The following CEP85L variants were observed in gnomAD, a reference collection of about 807,000 sequenced individuals.
CEP85L encodes centrosomal protein of 85 kDa-like.
A neutral mutation model predicts 100.3 loss-of-function variants in CEP85L; 60 were observed. The ratio of observed to expected loss-of-function variants is 0.60; its 90% CI spans 0.49 to 0.74. The LOEUF (loss-of-function observed/expected upper bound fraction) is 0.74. CEP85L is among the 30% of genes least tolerant of loss of function. The pLI is 0.00. For synonymous variants in CEP85L, 319 were observed against 322.7 expected (o/e 0.99, Z 0.12); for missense variants, 973 against 936.2 (o/e 1.04, Z -0.51).
Position 118,491,719 on chromosome 6 carries a change from T to C in CEP85L, c.1404A>G (p.Leu468=), listed in dbSNP as rs143907269. ...LNEFLKQRLS[L]FSEEKKKLEE... ...CTAGTTTCTTCTTCTCTTCACTAAA[T>C]AGGCTTAGTCTTTGTTTGAGAAACT... Residue 468 remains leucine (L), a synonymous_variant, in exon 6 of 13, where the codon CTA becomes CTG. Coordinates refer to ENST00000368491, the MANE Select transcript of CEP85L (RefSeq NM_001042475.3). 4.9e-5 allele frequency: 79 copies of C among 1,612,722 alleles called. No individual in the cohort carries two copies. Among genetic ancestry groups the C allele is most frequent in the Non-Finnish European group, 6.5e-5 (77 of 1,179,502 alleles).
chr6:118,542,305 A>C (rs776801980), intron 3 of CEP85L, among the ~76,000 whole-genome samples: 1 of 152,210 alleles, frequency 6.6e-6, no homozygotes, highest in East Asian at 1.9e-4. Flanking sequence ...AGTTTTTAAA[A>C]GCTTAACATG....
chr6:118,621,904 T>C (rs2115278290), intron 2 of CEP85L, among the ~76,000 whole-genome samples: 1 of 152,262 alleles, frequency 6.6e-6, no homozygotes, highest in East Asian at 1.9e-4. Context: ...AAATAACTCA[T>C]CTAGTAGAAT....
chr6:118,678,510 G>T (rs1776549574), intron 1 of CEP85L, among the ~76,000 whole-genome samples: 1 of 152,138 alleles, frequency 6.6e-6, no homozygotes, highest in South Asian at 2.1e-4. Context: ...GTACTTCCTT[G>T]ACTCTCTGCA....
At chr6:118,561,354 C>T (rs1779211975) in intron 3 of CEP85L, among the ~76,000 whole-genome samples, 1 of 152,044 alleles carries the variant, frequency 6.6e-6, no homozygotes, top group Admixed American at 6.6e-5. Flanking sequence ...ATATTTTTCT[C>T]AGTAAACAGA....
At chr6:118,607,788 G>A (rs1343755592) in intron 2 of CEP85L, among the ~76,000 whole-genome samples, 2 of 152,064 alleles carry the variant, frequency 1.3e-5, no homozygotes, top group East Asian at 1.9e-4. Context: ...CCTTTGGGTC[G>A]GGGGTCTCAA....
intron 4 of CEP85L, among the ~76,000 whole-genome samples, chr6:118,518,810 T>C (rs949856273): frequency 1.3e-5 from 2 of 152,220 alleles, no homozygotes; most frequent in African/African-American, 2.4e-5. Context: ...CTAGTTCTTT[T>C]AGTTGCGATG....
chr6:118,509,284 T>C (rs2114707485), intron 5 of CEP85L, among the ~76,000 whole-genome samples: 1 of 152,224 alleles, frequency 6.6e-6, no homozygotes, highest in Middle Eastern at 3.4e-3. Flanking sequence ...AATTATATAA[T>C]TAAAGCCTTT....
At chr6:118,491,196 TACACACACACACACAC>T (rs1160030823) in intron 6 of CEP85L, among the ~76,000 whole-genome samples, 11 of 116,366 alleles carry the variant, frequency 9.5e-5, no homozygotes, top group East Asian at 7.0e-4. Flanking sequence ...CCAACATCTA[TACACACACACACACAC>T]ACACACACAC....
At chr6:118,542,330 C>CT (rs967519514) in intron 3 of CEP85L, among the ~76,000 whole-genome samples, 15 of 151,198 alleles carry the variant, frequency 9.9e-5, no homozygotes, top group South Asian at 4.2e-4. Flanking sequence ...AAGATAAGGA[C>CT]TTTTTTTTTA....
At chr6:118,600,207 C>A in intron 2 of CEP85L, among the ~76,000 whole-genome samples, 1 of 150,868 alleles carries the variant, frequency 6.6e-6, no homozygotes, top group Admixed American at 6.6e-5. Flanking sequence ...TGACTTGCCT[C>A]CAAAGAACAG....
In CEP85L at chr6:118,464,158, A is replaced by G. The variant is rs150247131; in HGVS notation, c.*1247T>C. The G allele has an allele frequency of 4.6e-5, 7 of 152,330 alleles. No homozygotes were observed. In the East Asian group the frequency reaches 1.3e-3, roughly 29 times the overall value. The allele number at this position is 152,330 out of a possible 1,614,324, so 9.4% of individuals were successfully genotyped here. ...AAGTATATTCAAAAGAACATAATCA[A>G]TGCTGAAGGCAATAAAATGTATAAT... is the stretch of plus-strand genomic sequence containing the variant. On this transcript the variant is annotated 3_prime_UTR_variant, in exon 13 of 13. Transcript: ENST00000368491.
chr6:118,630,844 A>G (rs893161649), intron 2 of CEP85L, among the ~76,000 whole-genome samples: 3 of 152,194 alleles, frequency 2.0e-5, no homozygotes, highest in Admixed American at 2.0e-4. Flanking sequence ...TGTCAGATCA[A>G]TGGCAGCATT....
chr6:118,554,892 G>A (rs1286798931), intron 3 of CEP85L, among the ~76,000 whole-genome samples: 1 of 152,176 alleles, frequency 6.6e-6, no homozygotes, highest in Non-Finnish European at 1.5e-5. Context: ...AAGGTGACAT[G>A]TTTCATGTGA....
At chr6:118,527,346 G>A (rs1243778157) in intron 3 of CEP85L, among the ~76,000 whole-genome samples, 3 of 151,910 alleles carry the variant, frequency 2.0e-5, no homozygotes, top group Non-Finnish European at 2.9e-5. Flanking sequence ...CTGTCGGCTC[G>A]CTGTTTTCCT....
intron 2 of CEP85L, among the ~76,000 whole-genome samples, chr6:118,627,625 G>A (rs1225678351): frequency 9.2e-5 from 14 of 152,162 alleles, no homozygotes; most frequent in Admixed American, 9.2e-4. Context: ...ATTCCAAAAC[G>A]ACCCCGTCAT....
In CEP85L at chr6:118,511,228, T is replaced by A. The variant is rs755860566; in HGVS notation, c.1257+70A>T. ...TAAGTTGATTTAAAATGTCCTTATA[T>A]TACAAGGTAAGTATATTATTAACAC... On this transcript the variant is annotated intron_variant, in intron 5 of 12. Coordinates refer to ENST00000368491, the MANE Select transcript of CEP85L (RefSeq NM_001042475.3). 5 of 911,830 alleles carry A rather than the reference T, an allele frequency of 5.5e-6. No homozygotes were observed. The South Asian group carries it at 7.2e-5, about 13-fold the overall frequency. The allele number at this position is 911,830 out of a possible 1,614,324, so 56.5% of individuals were successfully genotyped here.
intron 2 of CEP85L, among the ~76,000 whole-genome samples, chr6:118,598,928 G>C (rs757895589): frequency 8.5e-5 from 13 of 152,108 alleles, no homozygotes; most frequent in Non-Finnish European, 1.3e-4. Flanking sequence ...AGATAAGCAA[G>C]GGAGAAGGGC....
At chr6:118,589,811 A>T (rs1195858802) in intron 2 of CEP85L, among the ~76,000 whole-genome samples, 2 of 152,188 alleles carry the variant, frequency 1.3e-5, no homozygotes, top group African/African-American at 2.4e-5. Flanking sequence ...CAAGAGTTAG[A>T]TATTAGCATT....
At chr6:118,475,168 G>A (rs1773259283) in intron 10 of CEP85L, among the ~76,000 whole-genome samples, 1 of 152,162 alleles carries the variant, frequency 6.6e-6, no homozygotes, top group African/African-American at 2.4e-5. Flanking sequence ...AGGTAGATCA[G>A]TGGTTGCTTA....
Sources: gnomAD v4.1 joint callset for allele counts (sites outside exome capture counted in the v4.1 genomes callset) on GRCh38, gnomAD v4.1.1 for gene constraint, MANE v1.5 for transcripts, NCBI Gene and HGNC (gene_info 2026-07-23, HGNC 2026-07-21) for gene names.